LRRC4C: variants seen among roughly 807,000 people sequenced by gnomAD.
LRRC4C encodes leucine rich repeat containing 4C.
LRRC4C carries 5 observed loss-of-function variants against 33.6 expected under a neutral mutation model. That is an observed-to-expected ratio of 0.15 (90% CI 0.08 to 0.31). LRRC4C has a LOEUF of 0.31. LRRC4C is among the 10% of genes least tolerant of loss of function. The pLI is 1.00. For missense variants in LRRC4C, 560 were observed against 796.7 expected (o/e 0.70, Z 3.58); for synonymous variants, 329 against 302.0 (o/e 1.09, Z -0.93).
At chr11:40,915,988 C>T (rs1358903293) in intron 2 of LRRC4C, among the ~76,000 whole-genome samples, 3 of 151,922 alleles carry the variant, frequency 2.0e-5, no homozygotes, top group Non-Finnish European at 4.4e-5. Flanking sequence ...AAATCAAAAC[C>T]ACAATGAGAT....
intron 1 of LRRC4C, among the ~76,000 whole-genome samples, chr11:40,956,020 A>G (rs1354793647): frequency 6.6e-6 from 1 of 151,804 alleles, no homozygotes; most frequent in African/African-American, 2.4e-5. Flanking sequence ...TAAGCCAACC[A>G]GTCTTTTTGG....
intron 1 of LRRC4C, among the ~76,000 whole-genome samples, chr11:41,047,558 G>A (rs1023925998): frequency 7.9e-5 from 12 of 152,074 alleles, no homozygotes; most frequent in Non-Finnish European, 1.8e-4. Flanking sequence ...TATGCTAGGT[G>A]AGTACCTCAA....
At chr11:40,862,205 G>C (rs1054132352) in intron 2 of LRRC4C, among the ~76,000 whole-genome samples, 2 of 152,158 alleles carry the variant, frequency 1.3e-5, no homozygotes, top group African/African-American at 4.8e-5. Context: ...CTATTCTATA[G>C]TATATTACTA....
intron 4 of LRRC4C, among the ~76,000 whole-genome samples, chr11:40,291,286 T>A (rs1398547434): frequency 6.6e-6 from 1 of 152,170 alleles, no homozygotes; most frequent in Non-Finnish European, 1.5e-5. Context: ...TTCTGCTTTA[T>A]TTTTTATATT....
chr11:40,307,403 G>A (rs1286870765), intron 4 of LRRC4C, among the ~76,000 whole-genome samples: 1 of 152,072 alleles, frequency 6.6e-6, no homozygotes, highest in Non-Finnish European at 1.5e-5. Flanking sequence ...CTGCTCCCTT[G>A]CCTGTGTAGC....
At chr11:41,085,780 G>C (rs1736774930) in intron 1 of LRRC4C, among the ~76,000 whole-genome samples, 1 of 152,112 alleles carries the variant, frequency 6.6e-6, no homozygotes. Context: ...CTTAGCAACA[G>C]ATTAGTACCA....
intron 2 of LRRC4C, among the ~76,000 whole-genome samples, chr11:40,769,928 T>A (rs540888672): frequency 2.6e-5 from 4 of 152,240 alleles, no homozygotes; most frequent in Non-Finnish European, 4.4e-5. Context: ...GGCAAATATT[T>A]CTTGAGTAAT....
At chr11:40,135,787 A>T (rs2134883162) in intron 6 of LRRC4C, among the ~76,000 whole-genome samples, 1 of 152,350 alleles carries the variant, frequency 6.6e-6, no homozygotes, top group African/African-American at 2.4e-5. Flanking sequence ...AATGCAAGTT[A>T]CTTAAACTTT....
intron 2 of LRRC4C, among the ~76,000 whole-genome samples, chr11:40,676,610 G>C (rs1339673887): frequency 1.3e-5 from 2 of 151,970 alleles, no homozygotes; most frequent in African/African-American, 4.8e-5. Context: ...TTTTTCCTTT[G>C]CTCCATGACA....
chr11:40,888,060 C>T (rs1042378502), intron 2 of LRRC4C, among the ~76,000 whole-genome samples: 10 of 151,978 alleles, frequency 6.6e-5, no homozygotes, highest in African/African-American at 2.2e-4. Flanking sequence ...ACTGAGTCTC[C>T]ATTTGATTTT....
At chr11:41,382,125 A>T (rs1953179673) in intron 1 of LRRC4C, among the ~76,000 whole-genome samples, 1 of 152,150 alleles carries the variant, frequency 6.6e-6, no homozygotes, top group East Asian at 1.9e-4. Context: ...ATGACAACCC[A>T]GGAATGCCTA....
rs182699437 is a variant in LRRC4C at position 41,104,826 on chromosome 11, G to A, written c.-495-171103C>T. 9.0e-4 allele frequency among the ~76,000 whole-genome samples: 136 copies of A among 151,944 alleles called. 2 individuals are homozygous for A. The highest frequency in any genetic ancestry group is 7.6e-3 in the Admixed American group (116 of 15,248). On this transcript the variant is annotated intron_variant, in intron 1 of 6. Coordinates refer to ENST00000528697, the MANE Select transcript of LRRC4C (RefSeq NM_001258419.2). ...TGAAATCAATATATCTCAAAAACAT[G>A]CTATGTGTAAAAAGGTCATAAATTA...
intron 3 of LRRC4C, among the ~76,000 whole-genome samples, chr11:40,420,900 A>G (rs989634775): frequency 5.9e-5 from 9 of 152,238 alleles, no homozygotes; most frequent in Admixed American, 5.9e-4. Context: ...GTAGAATAAA[A>G]ACATTTAACT....
At position 40,115,282 on chromosome 11, in the gene LRRC4C, C is replaced by T. The variant is rs1404391381; in HGVS notation, c.1011G>A (p.Lys337=). ...GGTCGAGCTCTCCAATGTACCTCCC[C>T]TTTAGATTGGGAGGAGTGTTACACC... ...CARCNTPPNL[K]GRYIGELDQN... is the part of the protein sequence containing the mutation. Residue 337 remains lysine, a synonymous_variant, in exon 7 of 7, where the codon AAG becomes AAA. Transcript: ENST00000528697. The surrounding 1 kb of genome is among the most constrained non-coding windows in gnomAD (Gnocchi z 6.7). The T allele has an allele frequency of 2.5e-6, 4 of 1,614,118 alleles. No individual in the cohort carries two copies. The highest frequency in any genetic ancestry group is 3.4e-6 in the Non-Finnish European group (4 of 1,180,024).
chr11:41,337,430 C>G (rs1951492642), intron 1 of LRRC4C, among the ~76,000 whole-genome samples: 1 of 129,662 alleles, frequency 7.7e-6, no homozygotes, highest in African/African-American at 2.5e-5. Flanking sequence ...CAAAAACAAG[C>G]AATGTAGAAA....
intron 1 of LRRC4C, among the ~76,000 whole-genome samples, chr11:41,004,559 CTA>C (rs949703489): frequency 1.3e-5 from 2 of 152,292 alleles, no homozygotes; most frequent in Non-Finnish European, 2.9e-5. Context: ...ACGTATGTAA[CTA>C]TCTCTTTTCT....
At chr11:40,866,394 T>C (rs991594207) in intron 2 of LRRC4C, among the ~76,000 whole-genome samples, 1 of 152,196 alleles carries the variant, frequency 6.6e-6, no homozygotes, top group Admixed American at 6.6e-5. Flanking sequence ...GATGGCCTTC[T>C]TTGCAAAGTT....
chr11:41,365,783 A>G (rs1952513130), intron 1 of LRRC4C, among the ~76,000 whole-genome samples: 1 of 152,180 alleles, frequency 6.6e-6, no homozygotes, highest in Non-Finnish European at 1.5e-5. Flanking sequence ...TTAATATATA[A>G]TGTACCTGCA....
rs187541234 is a variant in LRRC4C at position 41,369,761 on chromosome 11, G to A, written c.-496+89670C>T. 2.8e-3 allele frequency among the ~76,000 whole-genome samples: 350 copies of A among 127,236 alleles called. 5 individuals are homozygous for A. The East Asian group carries it at 0.062, about 22-fold the overall frequency. 83.5% of individuals were successfully genotyped at this position (127,236 alleles called of 152,430 possible). On this transcript the variant is annotated intron_variant, in intron 1 of 6. Coordinates refer to ENST00000528697, the MANE Select transcript of LRRC4C (RefSeq NM_001258419.2). Reference sequence around the variant, plus strand: ...TATAAGGAACTTAGATTTCATTCTAGTAATGATGAGCACCTGGAGAAAAGC... The same window carrying A: ...TATAAGGAACTTAGATTTCATTCTAATAATGATGAGCACCTGGAGAAAAGC...
Sources: gnomAD v4.1 joint callset for allele counts (sites outside exome capture counted in the v4.1 genomes callset) on GRCh38, gnomAD v4.1.1 for gene constraint, Gnocchi (gnomAD v3.1) non-coding constraint, MANE v1.5 for transcripts, NCBI Gene and HGNC (gene_info 2026-07-23, HGNC 2026-07-21) for gene names.